Variants in CD74 observed in about 807,000 individuals in gnomAD.
CD74 encodes the protein HLA class II histocompatibility antigen gamma chain.
A neutral mutation model predicts 37.1 loss-of-function variants in CD74; 20 were observed. The ratio of observed to expected loss-of-function variants is 0.54; its 90% confidence interval spans 0.38 to 0.78. CD74 has a LOEUF of 0.78. Ranked by LOEUF, CD74 falls within the 30% of genes least tolerant of loss-of-function variation. The pLI is 0.00. For synonymous variants in CD74, 150 were observed against 152.0 expected, an observed-to-expected ratio of 0.99 and a Z score of 0.10; for missense variants, 338 against 389.5, an observed-to-expected ratio of 0.87 and a Z score of 1.11.
At chr5:150,411,579 T>C (rs1358353577) in intron 1 of CD74, among the ~76,000 whole-genome samples, 1 of 152,240 alleles carries the variant, frequency 6.6e-6, no homozygotes. Flanking sequence ...AATAGCCTTC[T>C]AGCCCTTTTT....
chr5:150,406,838 C>G (rs201039940), intron 3 of CD74, 43 bp downstream of exon 3: 10 of 1,297,762 alleles, frequency 7.7e-6, no homozygotes, highest in Middle Eastern at 2.3e-4. Context: ...TCCATCCAGG[C>G]GGGATAACCT....
chr5:150,412,627 C>T lies in CD74; in HGVS notation c.123G>A (p.Glu41=). The T allele has an allele frequency of 6.2e-7, 1 of 1,611,656 alleles. No individual in the cohort carries two copies. Among genetic ancestry groups the T allele is most frequent in the Non-Finnish European group, 8.5e-7 (1 of 1,179,094 alleles). The change falls in exon 1 of 9, where the codon GAG becomes GAA. Residue 41 remains glutamate (E), a splice_region_variant and synonymous_variant. Coordinates refer to ENST00000009530, the MANE Select transcript of CD74 (RefSeq NM_001025159.3). The stretch of plus-strand genomic sequence containing the variant: ...CCTTTCCTGGTGCTCACACATACCT[C>T]TCCGGGGCCCCAGGGCGCCGGCCCA... ...PMLGRRPGAP[E]SKCSRGALYT... is the part of the protein sequence containing the mutation.
chr5:150,401,727 A>C lies in CD74; in HGVS notation c.*513T>G, dbSNP rs1380020802. 1.7e-6 allele frequency: 1 copy of C among 584,220 alleles called. No homozygotes were observed. The highest frequency in any genetic ancestry group is 3.1e-6 in the Non-Finnish European group (1 of 327,866). The allele number at this position is 584,220 out of a possible 1,614,324, so 36.2% of individuals were successfully genotyped here. ...TGAGCAGAGGGAACTAGGGGTCGGC[A>C]GAAAGGATTATGGGTGGAAAACATT... On this transcript the variant is annotated 3_prime_UTR_variant, in exon 9 of 9. Transcript: ENST00000009530.
chr5:150,406,113 A>G, intron 4 of CD74, 146 bp downstream of exon 4: 1 of 690,088 alleles, frequency 1.4e-6, no homozygotes, highest in South Asian at 1.5e-5. Context: ...ACTACATATA[A>G]CATTTAAGGG....
At position 150,412,761 on chromosome 5, in the gene CD74, A is replaced by AC. The variant is rs569954321; in HGVS notation, c.-13dup. ...CTCCTCCTGTGCATCTGGGACCCTG[A>AC]CCCCCCGGCTCGCCTCTTAAAGTCG... On this transcript the variant is annotated 5_prime_UTR_variant, in exon 1 of 9. Coordinates refer to ENST00000009530, the MANE Select transcript of CD74 (RefSeq NM_001025159.3). 2.2e-5 allele frequency: 36 copies of AC among 1,611,504 alleles called. No homozygotes were observed. In the African/African-American group the frequency reaches 3.2e-4, roughly 14 times the overall value.
rs1475936930 is a variant in CD74, at chr5:150,403,187, A to G, written c.751T>C (p.Trp251Arg). The G allele has an allele frequency of 6.2e-7, 1 of 1,614,060 alleles. No individual in the cohort carries two copies. Among genetic ancestry groups the G allele is most frequent in the South Asian group, 1.1e-5 (1 of 91,092 alleles). ...LQCYGSIGYCWCVFPNGTEVP... is the reference protein window; with the variant it reads ...LQCYGSIGYCRCVFPNGTEVP... Reference sequence around the variant, plus strand: ...TCCGTGCCGTTGGGGAAGACACACCAGCAGTAGCCGATGCTCCCATAGCAC... The same window carrying G: ...TCCGTGCCGTTGGGGAAGACACACCGGCAGTAGCCGATGCTCCCATAGCAC... Residue 251 changes from tryptophan (W) to arginine (R), a missense_variant, in exon 7 of 9, where the codon TGG becomes CGG. Physicochemically the swap from Trp to Arg is moderately radical, Grantham distance 101 (BLOSUM62 -3). Transcript: ENST00000009530. This position sits in a 1 kb window ranked among gnomAD's most constrained non-coding sequence, Gnocchi z 4.5.
Position 150,406,976 on chromosome 5 carries a change from C to G in CD74, c.299-16G>C, listed in dbSNP as rs779706134. 1.7e-5 allele frequency: 26 copies of G among 1,572,430 alleles called. No homozygotes were observed. In the South Asian group the frequency reaches 3.1e-4, roughly 18 times the overall value. On this transcript the variant is annotated splice_polypyrimidine_tract_variant and intron_variant, in intron 2 of 8. Transcript: ENST00000009530. ...GGCTTGGGAGCTGTGGGGACAGGAA[C>G]GAGGGTAAGTGTGGCCCCGGTGCCC...
Position 150,402,348 on chromosome 5 carries a change from A to G in CD74, c.881-98T>C, listed in dbSNP as rs1581247593. Reference sequence around the variant, plus strand: ...CCTGCAGAGCAGTTAAGGACTGTCCACCCTCCCCTGCCCCCTGCTCAGGTC... The same window carrying G: ...CCTGCAGAGCAGTTAAGGACTGTCCGCCCTCCCCTGCCCCCTGCTCAGGTC... On this transcript the variant is annotated intron_variant, in intron 8 of 8. Coordinates refer to ENST00000009530, the MANE Select transcript of CD74 (RefSeq NM_001025159.3). The surrounding 1 kb of genome is among the most constrained non-coding windows in gnomAD (Gnocchi z 4.2). The G allele has an allele frequency of 1.0e-6, 1 of 974,564 alleles. No homozygotes were observed. Among genetic ancestry groups the G allele is most frequent in the Non-Finnish European group, 1.6e-6 (1 of 619,594 alleles). The allele number at this position is 974,564 out of a possible 1,614,324, so 60.4% of individuals were successfully genotyped here. A position where few individuals can be genotyped will look rare whatever the true frequency, so the allele number is the denominator to read the frequency against.
intron 1 of CD74, among the ~76,000 whole-genome samples, chr5:150,408,263 G>A (rs1278167399): frequency 6.6e-6 from 1 of 152,132 alleles, no homozygotes; most frequent in Non-Finnish European, 1.5e-5. Flanking sequence ...GGGAAGAAGT[G>A]GGGCCTGGCC....
At chr5:150,406,636 G>A in intron 3 of CD74, 1 of 587,854 alleles carries the variant, frequency 1.7e-6, no homozygotes, top group Non-Finnish European at 3.0e-6. Context: ...GATGCTATAG[G>A]AAATGAGAAG....
At chr5:150,412,164 C>T (rs553227009) in intron 1 of CD74, among the ~76,000 whole-genome samples, 1 of 152,180 alleles carries the variant, frequency 6.6e-6, no homozygotes, top group Non-Finnish European at 1.5e-5. Flanking sequence ...GGGGTTTCAA[C>T]ATGTTGGCCA....
At chr5:150,404,923 C>T (rs1769866430) in intron 5 of CD74, among the ~76,000 whole-genome samples, 156 bp from the exon 6 acceptor site, 2 of 152,204 alleles carry the variant, frequency 1.3e-5, no homozygotes, top group Admixed American at 1.3e-4. Flanking sequence ...ACCCCTGGGG[C>T]TGAACCCCAC....
chr5:150,404,720 C>T lies in CD74; in HGVS notation c.585G>A (p.Arg195=). 1 of 1,588,442 alleles carries T rather than the reference C, an allele frequency of 6.3e-7. No homozygotes were observed. The highest frequency in any genetic ancestry group is 1.2e-5 in the South Asian group (1 of 86,846). The change falls in exon 6 of 9, where the codon AGG becomes AGA. Residue 195 remains arginine (R), a synonymous_variant. Coordinates refer to ENST00000009530, the MANE Select transcript of CD74 (RefSeq NM_001025159.3). ...CAGTGGGCTTTTGCTCCAAGGAGTG[C>T]CTGCTCATTTCAAACAGGAGCCAAT... ...MHHWLLFEMS[R]HSLEQKPTDA... is the part of the protein sequence containing the mutation.
rs1218327738 is a variant in CD74 at position 150,403,290 on chromosome 5, C to T, written c.648G>A (p.Glu216=). The T allele has an allele frequency of 6.2e-7, 1 of 1,613,890 alleles. No individual in the cohort carries two copies. Among genetic ancestry groups the T allele is most frequent in the Non-Finnish European group, 8.5e-7 (1 of 1,179,896 alleles). The change falls in exon 7 of 9, where the codon GAG becomes GAA. Residue 216 remains glutamate (E), a synonymous_variant. Coordinates refer to ENST00000009530, the MANE Select transcript of CD74 (RefSeq NM_001025159.3). The surrounding 1 kb of genome is among the most constrained non-coding windows in gnomAD (Gnocchi z 4.5). ...PPKVLTKCQE[E]VSHIPAVHPG... ...GGTGGACAGCAGGGATGTGGCTGAC[C>T]TCTTCCTGGCACTTGGTCAGTACTG...
rs11548086 is a variant in CD74, at chr5:150,402,603, C to A, written c.840G>T (p.Pro280=). Residue 280 remains proline, a synonymous_variant, in exon 8 of 9, where the codon CCG becomes CCT. Transcript: ENST00000009530. This position sits in a 1 kb window ranked among gnomAD's most constrained non-coding sequence, Gnocchi z 4.2. ...GCTTGGTCACACCCAGCCCAGAAGACGGGTCCTCCAGTTCCAGTGACTCTG... is the reference window on the plus strand; with the variant it reads ...GCTTGGTCACACCCAGCCCAGAAGAAGGGTCCTCCAGTTCCAGTGACTCTG... ...NCSESLELED[P]SSGLGVTKQD... is the part of the protein sequence containing the mutation. 2.4e-5 allele frequency: 38 copies of A among 1,612,484 alleles called. No homozygotes were observed. Among genetic ancestry groups the A allele is most frequent in the Non-Finnish European group, 3.1e-5 (36 of 1,179,256 alleles).
At chr5:150,405,306 A>C in intron 4 of CD74, 126 bp from the exon 5 acceptor site, 38 of 1,374,588 alleles carry the variant, frequency 2.8e-5, no homozygotes, top group Admixed American at 6.7e-5. Flanking sequence ...CCAAGCCTAA[A>C]CCCTGGACTT....
At chr5:150,412,555 T>G in intron 1 of CD74, 70 bp downstream of exon 1, 1 of 1,205,206 alleles carries the variant, frequency 8.3e-7, no homozygotes, top group South Asian at 1.2e-5. Context: ...TGGCCGGTGC[T>G]TCTTCCCAGC....
In CD74 at chr5:150,402,391, G is replaced by A. The variant is rs1184963908; in HGVS notation, c.881-141C>T. 1.7e-5 allele frequency: 15 copies of A among 882,622 alleles called. No individual in the cohort carries two copies. Among genetic ancestry groups the A allele is most frequent in the Admixed American group, 7.3e-5 (4 of 55,120 alleles). The allele number at this position is 882,622 out of a possible 1,614,324, so 54.7% of individuals were successfully genotyped here. A position where few individuals can be genotyped will look rare whatever the true frequency, so the allele number is the denominator to read the frequency against. ...CTCAGGTCCAATAATGACCATCATG[G>A]ATTTGTGTAACTCCCCACAGCCCCC... On this transcript the variant is annotated intron_variant, in intron 8 of 8. Transcript: ENST00000009530. This position sits in a 1 kb window ranked among gnomAD's most constrained non-coding sequence, Gnocchi z 4.2.
chr5:150,405,513 C>T (rs1769905216), intron 4 of CD74: 4 of 925,310 alleles, frequency 4.3e-6, no homozygotes, highest in Non-Finnish European at 5.3e-6. Flanking sequence ...TTGACTGCCC[C>T]CAGCTAGGTT....
Sources: allele counts gnomAD v4.1 joint callset (sites outside exome capture counted in the v4.1 genomes callset), GRCh38; gene constraint gnomAD v4.1.1; non-coding constraint Gnocchi (gnomAD v3.1); transcripts MANE v1.5; gene names NCBI Gene and HGNC (gene_info 2026-07-23, HGNC 2026-07-21).